Variants in CSMD1 observed in about 807,000 individuals in gnomAD.
The protein encoded by CSMD1 is CUB and Sushi multiple domains 1, also known as CUB and sushi domain-containing protein 1.
CSMD1 carries 213 observed loss-of-function variants against 417.5 expected under a neutral mutation model. That is an observed-to-expected ratio of 0.51 (90% CI 0.46 to 0.57). The LOEUF is 0.57. Ranked by LOEUF, CSMD1 falls within the 20% of genes least tolerant of loss-of-function variation. CSMD1 has a pLI of 0.00. For missense variants in CSMD1, 6,923 were observed against 4,529.7 expected, an observed-to-expected ratio of 1.53 and a Z score of -15.17; for synonymous variants, 2,862 against 1,736.8, an observed-to-expected ratio of 1.65 and a Z score of -16.11.
chr8:3,387,646 C>T lies in CSMD1; in HGVS notation c.2630G>A (p.Gly877Asp). 2 of 1,600,050 alleles carry T rather than the reference C, an allele frequency of 1.2e-6. No individual in the cohort carries two copies. The highest frequency in any genetic ancestry group is 1.7e-6 in the Non-Finnish European group (2 of 1,173,106). ...TLESDSCLDP[G>D]IPVNGHRHGG... is the part of the protein sequence containing the mutation. ...GTGGCGATGGCCGTTCACAGGGATG[C>T]CCGGGTCCAGGCAGGAATCCGACTC... is the stretch of plus-strand genomic sequence containing the variant. The change falls in exon 18 of 70, where the codon GGC becomes GAC. Residue 877 changes from glycine to aspartate, a missense_variant. Physicochemically the swap from Gly to Asp is moderately conservative, Grantham distance 94. Coordinates refer to ENST00000635120, the MANE Select transcript of CSMD1 (RefSeq NM_033225.6).
At chr8:3,671,653 A>T (rs1799074432) in intron 7 of CSMD1, among the ~76,000 whole-genome samples, 1 of 148,054 alleles carries the variant, frequency 6.8e-6, no homozygotes, top group Non-Finnish European at 1.5e-5. Context: ...AGGCTTCACA[A>T]GCCTCTGCCT....
intron 3 of CSMD1, among the ~76,000 whole-genome samples, chr8:4,216,713 G>A (rs201854501): frequency 6.6e-6 from 1 of 152,278 alleles, no homozygotes; most frequent in South Asian, 2.1e-4. Context: ...TCTAGGAGGA[G>A]GGGGTATAAA....
intron 2 of CSMD1, among the ~76,000 whole-genome samples, chr8:4,477,743 C>T (rs1800882776): frequency 6.6e-6 from 1 of 152,138 alleles, no homozygotes; most frequent in South Asian, 2.1e-4. Context: ...CCATTCTTGT[C>T]CAAACCTCTT....
chr8:4,194,898 T>G (rs1014489044), intron 3 of CSMD1, among the ~76,000 whole-genome samples: 3 of 152,128 alleles, frequency 2.0e-5, no homozygotes, highest in African/African-American at 7.2e-5. Flanking sequence ...TTAGAACTGT[T>G]AGTTCTAATT....
At chr8:4,085,236 G>C (rs966810762) in intron 3 of CSMD1, among the ~76,000 whole-genome samples, 14 of 152,198 alleles carry the variant, frequency 9.2e-5, no homozygotes, top group Middle Eastern at 3.4e-3. Context: ...GATTGATTTA[G>C]GGACCCTGAC....
chr8:3,973,025 G>T (rs113384006), intron 5 of CSMD1, among the ~76,000 whole-genome samples: 1 of 152,212 alleles, frequency 6.6e-6, no homozygotes, highest in Non-Finnish European at 1.5e-5. Context: ...TCTTCTAACA[G>T]TGTTTACCAA....
intron 10 of CSMD1, among the ~76,000 whole-genome samples, chr8:3,517,045 T>C (rs1284341943): frequency 1.3e-5 from 2 of 152,152 alleles, no homozygotes; most frequent in African/African-American, 2.4e-5. Context: ...TGGTGTCAGA[T>C]CAAGGGGACA....
intron 23 of CSMD1, among the ~76,000 whole-genome samples, chr8:3,316,945 C>A (rs1563265468): frequency 6.6e-6 from 1 of 152,064 alleles, no homozygotes; most frequent in Admixed American, 6.5e-5. Context: ...TTATTTAGTG[C>A]TGGAAAGGAG....
chr8:4,350,333 G>A (rs530268500), intron 3 of CSMD1, among the ~76,000 whole-genome samples: 1 of 152,194 alleles, frequency 6.6e-6, no homozygotes, highest in East Asian at 1.9e-4. Flanking sequence ...ACACCTGAGG[G>A]GCACACAAAC....
At chr8:4,060,255 A>G (rs530951072) in intron 3 of CSMD1, among the ~76,000 whole-genome samples, 83 of 152,322 alleles carry the variant, frequency 5.4e-4, no homozygotes, top group Admixed American at 1.0e-3. Flanking sequence ...CCTTCATGCT[A>G]AAAACTCTCA....
At chr8:4,520,175 TC>T (rs897813819) in intron 2 of CSMD1, among the ~76,000 whole-genome samples, 12 of 152,292 alleles carry the variant, frequency 7.9e-5, no homozygotes, top group African/African-American at 2.9e-4. Context: ...TGGCTCTGTT[TC>T]CAAACTCATA....
intron 1 of CSMD1, among the ~76,000 whole-genome samples, chr8:4,918,660 A>G (rs895319762): frequency 2.6e-5 from 4 of 152,188 alleles, no homozygotes; most frequent in African/African-American, 4.8e-5. Context: ...TCTTGACCCA[A>G]TCTCACTATT....
At chr8:4,298,992 TCTA>T (rs1797835754) in intron 3 of CSMD1, among the ~76,000 whole-genome samples, 1 of 152,030 alleles carries the variant, frequency 6.6e-6, no homozygotes, top group Non-Finnish European at 1.5e-5. Context: ...GCTTTGCAGA[TCTA>T]CTGATGTTAA....
Position 4,060,845 on chromosome 8 carries a change from A to G in CSMD1, c.416-28746T>C, listed in dbSNP as rs183663934. 6.6e-5 allele frequency among the ~76,000 whole-genome samples: 10 copies of G among 152,326 alleles called. No individual in the cohort carries two copies. In the East Asian group the frequency reaches 1.7e-3, roughly 26 times the overall value. The stretch of plus-strand genomic sequence containing the variant: ...AAAATCAGAAATGCATTAATCATGT[A>G]AGGTTAGATGACCAGACAGGAAGAA... On this transcript the variant is annotated intron_variant, in intron 3 of 69. Transcript: ENST00000635120.
At chr8:3,239,306 G>T (rs1799347875) in intron 26 of CSMD1, among the ~76,000 whole-genome samples, 1 of 152,196 alleles carries the variant, frequency 6.6e-6, no homozygotes, top group East Asian at 1.9e-4. Flanking sequence ...GGACTGTATA[G>T]AGGTGGGAAG....
chr8:4,526,012 C>T (rs958987858), intron 2 of CSMD1, among the ~76,000 whole-genome samples: 2 of 152,136 alleles, frequency 1.3e-5, no homozygotes, highest in Non-Finnish European at 2.9e-5. Flanking sequence ...AGCTCTGTTT[C>T]AGCTCTAGAA....
intron 3 of CSMD1, among the ~76,000 whole-genome samples, chr8:4,393,668 A>T (rs995698233): frequency 6.6e-6 from 1 of 152,190 alleles, no homozygotes; most frequent in Non-Finnish European, 1.5e-5. Flanking sequence ...AGTCACCTTC[A>T]CACTCCTATA....
intron 3 of CSMD1, among the ~76,000 whole-genome samples, chr8:4,143,703 A>G (rs191136730): frequency 2.6e-5 from 4 of 151,178 alleles, no homozygotes; most frequent in South Asian, 2.1e-4. Context: ...AGATACACAA[A>G]GTAACAAAGG....
chr8:3,599,176 T>TGTGTGTGTGTGA (rs1554483067), intron 8 of CSMD1, among the ~76,000 whole-genome samples: 5 of 151,164 alleles, frequency 3.3e-5, no homozygotes, highest in African/African-American at 9.8e-5. Context: ...TGTGTGTGTG[T>TGTGTGTGTGTGA]GTGTGAGATG....
Sources: allele counts gnomAD v4.1 joint callset (sites outside exome capture counted in the v4.1 genomes callset), GRCh38; gene constraint gnomAD v4.1.1; transcripts MANE v1.5; gene names NCBI Gene and HGNC (gene_info 2026-07-23, HGNC 2026-07-21).